Variants in BAHCC1 observed in about 807,000 individuals in gnomAD.
BAHCC1 encodes the protein BAH and coiled-coil domain-containing protein 1.
In BAHCC1, 43 loss-of-function variants were observed where a neutral mutation model predicts 88.2. That is an observed-to-expected ratio of 0.49 (90% confidence interval 0.38 to 0.63). The LOEUF (loss-of-function observed/expected upper bound fraction) is 0.63. Among genes scored for constraint, BAHCC1 ranks in the 20% least tolerant of loss-of-function variants. The pLI, the probability that BAHCC1 is intolerant of heterozygous loss-of-function variation, is 0.00. For synonymous variants in BAHCC1, 1,510 were observed against 745.5 expected (o/e 2.03, Z -16.71); for missense variants, 3,023 against 1,654.8 (o/e 1.83, Z -14.34).
chr17:81,459,341 C>G lies in BAHCC1; in HGVS notation c.5796+13C>G. The G allele has an allele frequency of 1.3e-6, 1 of 774,916 alleles. No individual in the cohort carries two copies. Among genetic ancestry groups the G allele is most frequent in the South Asian group, 1.3e-5 (1 of 74,104 alleles). 48.0% of individuals were successfully genotyped at this position (774,916 alleles called of 1,614,324 possible). On this transcript the variant is annotated intron_variant, in intron 22 of 27. Coordinates refer to ENST00000675386, the MANE Select transcript of BAHCC1 (RefSeq NM_001377448.1). ...GCTGCAGGAAGCGGTGAGGACCGGG[C>G]CGGCCCGCCCCGGGGAGGGGCCTGG...
intron 1 of BAHCC1, among the ~76,000 whole-genome samples, chr17:81,397,676 C>T (rs1343660613): frequency 5.3e-5 from 8 of 152,148 alleles, no homozygotes; most frequent in Non-Finnish European, 1.0e-4. Flanking sequence ...TCGCAGCCCC[C>T]TCGCCAGAGC....
chr17:81,447,857 G>T lies in BAHCC1; in HGVS notation c.3976+9G>T. 1.4e-6 allele frequency: 1 copy of T among 721,934 alleles called. No homozygotes were observed. The allele number at this position is 721,934 out of a possible 1,614,324, so 44.7% of individuals were successfully genotyped here. The stretch of plus-strand genomic sequence containing the variant: ...TGAGAGGACTGTGCCAGGTAAGCCC[G>T]GTGGTTGCCGCCACCCCCCAGAGTC... On this transcript the variant is annotated intron_variant, in intron 11 of 27. Coordinates refer to ENST00000675386, the MANE Select transcript of BAHCC1 (RefSeq NM_001377448.1).
At position 81,400,455 on chromosome 17, in the gene BAHCC1, G is replaced by A. The variant is rs1433727389; in HGVS notation, c.178+538G>A. On this transcript the variant is annotated intron_variant, in intron 2 of 27. Transcript: ENST00000675386. ...TCTATATAAAGCCTTAAAGTGTCAGGGCGAGAATGGGTTTGCAGGGATGCA... is the reference window on the plus strand; with the variant it reads ...TCTATATAAAGCCTTAAAGTGTCAGAGCGAGAATGGGTTTGCAGGGATGCA... 3.3e-5 allele frequency among the ~76,000 whole-genome samples: 5 copies of A among 152,190 alleles called. No homozygotes were observed. The East Asian group carries it at 9.6e-4, about 29-fold the overall frequency.
intron 11 of BAHCC1, among the ~76,000 whole-genome samples, chr17:81,448,278 C>A (rs903912133): frequency 6.6e-6 from 1 of 152,188 alleles, no homozygotes; most frequent in Admixed American, 6.5e-5. Context: ...GTCGGCTCCC[C>A]GCTTCAGGCC....
chr17:81,399,887 C>G lies in BAHCC1; in HGVS notation c.148C>G (p.Pro50Ala), dbSNP rs1194060642. ...PAHFQPGKYFPSPLPMASHTA... is the reference protein window; with the variant it reads ...PAHFQPGKYFASPLPMASHTA... ...ACACTTCCAGCCGGGAAAGTACTTC[C>G]CGTCGCCGTTGCCCATGGCTTCGCA... Residue 50 changes from proline (P) to alanine (A), a missense_variant, in exon 2 of 28, where the codon CCG becomes GCG. Physicochemically the swap from Pro to Ala is conservative, Grantham distance 27. Transcript: ENST00000675386. The surrounding 1 kb of genome is among the most constrained non-coding windows in gnomAD (Gnocchi z 4.5). 1.4e-6 allele frequency: 2 copies of G among 1,450,458 alleles called. No homozygotes were observed. The highest frequency in any genetic ancestry group is 3.0e-5 in the African/African-American group (2 of 67,368). The allele number at this position is 1,450,458 out of a possible 1,614,324, so 89.8% of individuals were successfully genotyped here.
intron 23 of BAHCC1, 37 bp from the exon 24 acceptor site, chr17:81,460,240 G>A: frequency 1.4e-6 from 1 of 732,894 alleles, no homozygotes; most frequent in Non-Finnish European, 2.5e-6. Context: ...GCGCCTACTG[G>A]GGGTTCCAGC....
At chr17:81,405,190 C>T (rs2063863853) in intron 2 of BAHCC1, among the ~76,000 whole-genome samples, 3 of 152,184 alleles carry the variant, frequency 2.0e-5, no homozygotes, top group African/African-American at 4.8e-5. Flanking sequence ...GCCTCAGTCT[C>T]CCAAGTAGCT....
intron 3 of BAHCC1, among the ~76,000 whole-genome samples, chr17:81,436,719 C>G (rs1246097314): frequency 2.0e-5 from 3 of 152,212 alleles, no homozygotes; most frequent in African/African-American, 4.8e-5. Flanking sequence ...CGGCCAGGCT[C>G]GAGCCTCAGC....
Position 81,458,733 on chromosome 17 carries a change from C to G in BAHCC1, c.5448+8C>G, listed in dbSNP as rs1329721277. 2.7e-6 allele frequency: 2 copies of G among 736,834 alleles called. No individual in the cohort carries two copies. Among genetic ancestry groups the G allele is most frequent in the Non-Finnish European group, 5.0e-6 (2 of 396,360 alleles). The allele number at this position is 736,834 out of a possible 1,614,324, so 45.6% of individuals were successfully genotyped here. On this transcript the variant is annotated splice_region_variant and intron_variant, in intron 19 of 27. Transcript: ENST00000675386. ...CACAAGGCCGGCAAGCAGGTAGCAGCCCCCCACTCTGGGAGCCCACTGTGC... is the reference window on the plus strand; with the variant it reads ...CACAAGGCCGGCAAGCAGGTAGCAGGCCCCCACTCTGGGAGCCCACTGTGC...
intron 14 of BAHCC1, among the ~76,000 whole-genome samples, chr17:81,453,349 C>T (rs1362969124): frequency 1.1e-4 from 17 of 152,266 alleles, no homozygotes; most frequent in Admixed American, 8.5e-4. Flanking sequence ...TTGCCTCTCC[C>T]GGCAGGCCCA....
chr17:81,461,387 C>T lies in BAHCC1; in HGVS notation c.6724C>T (p.Pro2242Ser), dbSNP rs2030253015. ...CAGCCCCAAGCTCGGGCGGCCCCTG[C>T]CCAGCCCCAGCTATGTGCACCCGGC... ...DFSPKLGRPL[P>S]SPSYVHPALV... The change falls in exon 26 of 28, where the codon CCC becomes TCC. Residue 2242 changes from proline (P) to serine (S), a missense_variant. By Grantham distance (74) the Pro-to-Ser change is moderately conservative. Transcript: ENST00000675386. 3 of 721,230 alleles carry T rather than the reference C, an allele frequency of 4.2e-6. No individual in the cohort carries two copies. The highest frequency in any genetic ancestry group is 7.7e-6 in the Non-Finnish European group (3 of 391,568). 44.7% of individuals were successfully genotyped at this position (721,230 alleles called of 1,614,324 possible).
rs1480590584 is a variant in BAHCC1, at chr17:81,435,723, C to T, written c.359-2647C>T. Among the ~76,000 whole-genome samples the T allele has an allele frequency of 5.9e-5, 9 of 151,876 alleles. No homozygotes were observed. The highest frequency in any genetic ancestry group is 2.2e-4 in the African/African-American group (9 of 41,322). On this transcript the variant is annotated intron_variant, in intron 3 of 27. Coordinates refer to ENST00000675386, the MANE Select transcript of BAHCC1 (RefSeq NM_001377448.1). This position sits in a 1 kb window ranked among gnomAD's most constrained non-coding sequence, Gnocchi z 4.4. ...GCCTCTACTGTCCCCCTGGAGCCCT[C>T]CCCAGGACCACCACCCCCACTCCTC... is the stretch of plus-strand genomic sequence containing the variant.
chr17:81,434,767 C>T lies in BAHCC1; in HGVS notation c.359-3603C>T, dbSNP rs1446191506. 6.6e-6 allele frequency among the ~76,000 whole-genome samples: 1 copy of T among 151,890 alleles called. No individual in the cohort carries two copies. Among genetic ancestry groups the T allele is most frequent in the Non-Finnish European group, 1.5e-5 (1 of 67,912 alleles). ...CCTGGGGGGTGGGTTGTGGCCACCT[C>T]CCCAGATCTGGCAAGAGGAGGAAGG... On this transcript the variant is annotated intron_variant, in intron 3 of 27. Coordinates refer to ENST00000675386, the MANE Select transcript of BAHCC1 (RefSeq NM_001377448.1). The surrounding 1 kb of genome is among the most constrained non-coding windows in gnomAD (Gnocchi z 4.9).
intron 2 of BAHCC1, among the ~76,000 whole-genome samples, chr17:81,404,699 C>T (rs2063858204): frequency 2.0e-5 from 3 of 152,232 alleles, no homozygotes; most frequent in South Asian, 4.1e-4. Context: ...ATAGGATGTT[C>T]GCTGTCAACT....
Position 81,411,327 on chromosome 17 carries a change from C to A in BAHCC1, c.178+11410C>A, listed in dbSNP as rs1567997836. ...GAGCTGGACGTGCCGTCAGCCCAGGCCCCTGAGAGTGAGGCTGGAGAGACG... is the reference window on the plus strand; with the variant it reads ...GAGCTGGACGTGCCGTCAGCCCAGGACCCTGAGAGTGAGGCTGGAGAGACG... On this transcript the variant is annotated intron_variant, in intron 2 of 27. Coordinates refer to ENST00000675386, the MANE Select transcript of BAHCC1 (RefSeq NM_001377448.1). This position sits in a 1 kb window ranked among gnomAD's most constrained non-coding sequence, Gnocchi z 6.2. Among the ~76,000 whole-genome samples the A allele has an allele frequency of 1.3e-5, 2 of 151,954 alleles. No homozygotes were observed. The highest frequency in any genetic ancestry group is 1.3e-4 in the Admixed American group (2 of 15,272).
At position 81,461,593 on chromosome 17, in the gene BAHCC1, C is replaced by T. The variant is rs371686814; in HGVS notation, c.6930C>T (p.Phe2310=). Residue 2310 remains phenylalanine (F), a synonymous_variant, in exon 26 of 28, where the codon TTC becomes TTT. Transcript: ENST00000675386. ...PGLAAGVPSR[F]LARLSVSSSS... is the part of the protein sequence containing the mutation. ...TGGCGGCCGGCGTGCCCTCCCGCTTCCTCGCCCGCCTGTCCGTGTCCTCTT... is the reference window on the plus strand; with the variant it reads ...TGGCGGCCGGCGTGCCCTCCCGCTTTCTCGCCCGCCTGTCCGTGTCCTCTT... The T allele has an allele frequency of 1.2e-4, 85 of 721,294 alleles. No homozygotes were observed. The highest frequency in any genetic ancestry group is 2.3e-4 in the Middle Eastern group (1 of 4,396). 44.7% of individuals were successfully genotyped at this position (721,294 alleles called of 1,614,324 possible).
At chr17:81,408,038 A>G (rs1449571018) in intron 2 of BAHCC1, among the ~76,000 whole-genome samples, 5 of 152,112 alleles carry the variant, frequency 3.3e-5, no homozygotes, top group Non-Finnish European at 1.5e-5. Context: ...CCAGATCCAC[A>G]TGACCCTCTG....
chr17:81,452,913 G>T (rs2064670996), intron 14 of BAHCC1, 62 bp downstream of exon 14: 1 of 656,930 alleles, frequency 1.5e-6, no homozygotes, highest in Non-Finnish European at 2.7e-6. Context: ...TCGAGGCTGG[G>T]GAGCAGGGTC....
intron 3 of BAHCC1, among the ~76,000 whole-genome samples, chr17:81,432,491 G>T (rs1334945736): frequency 1.5e-5 from 2 of 130,306 alleles, no homozygotes; most frequent in African/African-American, 6.1e-5. Flanking sequence ...ACTGTCCATT[G>T]CCCCCTGTGG....
Sources: gnomAD v4.1 joint callset for allele counts (sites outside exome capture counted in the v4.1 genomes callset) on GRCh38, gnomAD v4.1.1 for gene constraint, Gnocchi (gnomAD v3.1) non-coding constraint, MANE v1.5 for transcripts, NCBI Gene and HGNC (gene_info 2026-07-23, HGNC 2026-07-21) for gene names.